PRKCB: variants seen among roughly 807,000 people sequenced by gnomAD.
PRKCB encodes the protein protein kinase C beta, also known as protein kinase C beta type.
PRKCB carries 13 observed loss-of-function variants against 81.5 expected under a neutral mutation model. The ratio of observed to expected loss-of-function variants is 0.16; its 90% CI spans 0.10 to 0.25. PRKCB has a LOEUF of 0.25. Among genes scored for constraint, PRKCB ranks in the 10% least tolerant of loss-of-function variants. The probability of loss-of-function intolerance (pLI) is 1.00; values close to 1 mark genes in which losing one functional copy is unlikely to be tolerated. For synonymous variants in PRKCB, 335 were observed against 321.4 expected (o/e 1.04, Z -0.45); for missense variants, 509 against 875.7 (o/e 0.58, Z 5.29).
At chr16:24,070,654 A>T (rs1339735882) in intron 5 of PRKCB, among the ~76,000 whole-genome samples, 1 of 152,146 alleles carries the variant, frequency 6.6e-6, no homozygotes, top group Non-Finnish European at 1.5e-5. Context: ...CTTATGAGGG[A>T]ACACTGTTGC....
intron 16 of PRKCB, among the ~76,000 whole-genome samples, chr16:24,202,712 A>G (rs938095199): frequency 1.3e-5 from 2 of 152,208 alleles, no homozygotes; most frequent in Admixed American, 6.5e-5. Flanking sequence ...CAATTTCTGT[A>G]TCTTGCATTA....
In PRKCB at chr16:24,190,274, C is replaced by T. The variant is rs1256033385; in HGVS notation, c.1723-816C>T. Among the ~76,000 whole-genome samples, 8 of 152,280 alleles carry T rather than the reference C, an allele frequency of 5.3e-5. No individual in the cohort carries two copies. In the South Asian group the frequency reaches 6.2e-4, roughly 12 times the overall value. ...GCCCCTTTGACTAATACTTTTTCTTCTGTTTTGTCATTTTTGCAAGTGCTT... is the reference window on the plus strand; with the variant it reads ...GCCCCTTTGACTAATACTTTTTCTTTTGTTTTGTCATTTTTGCAAGTGCTT... On this transcript the variant is annotated intron_variant, in intron 15 of 16. Transcript: ENST00000643927.
intron 3 of PRKCB, among the ~76,000 whole-genome samples, chr16:23,990,763 G>A (rs1320073409): frequency 2.0e-5 from 3 of 152,126 alleles, no homozygotes; most frequent in African/African-American, 7.2e-5. Context: ...GCCCAGGCTG[G>A]TCTCGAATTC....
At chr16:24,155,310 G>A (rs1017537573) in intron 10 of PRKCB, among the ~76,000 whole-genome samples, 3 of 152,212 alleles carry the variant, frequency 2.0e-5, no homozygotes, top group East Asian at 1.9e-4. Flanking sequence ...AGGACTCTCA[G>A]GGAAGGTACA....
chr16:24,075,281 A>C (rs1333107653), intron 5 of PRKCB, among the ~76,000 whole-genome samples: 4 of 152,246 alleles, frequency 2.6e-5, no homozygotes, highest in Non-Finnish European at 4.4e-5. Flanking sequence ...TCTATTGGAC[A>C]GTGTAACTGT....
rs760934314 is a variant in PRKCB at position 24,035,447 on chromosome 16, C to T, written c.429C>T (p.Cys143=). The T allele has an allele frequency of 1.9e-5, 30 of 1,613,972 alleles. No individual in the cohort carries two copies. The East Asian group carries it at 2.0e-4, about 11-fold the overall frequency. ...GCATGATGAATGTGCACAAGCGCTG[C>T]GTGATGAATGTTCCCAGCCTGTGTG... ...DTCMMNVHKR[C]VMNVPSLCGT... is the part of the protein sequence containing the mutation. The change falls in exon 5 of 17, where the codon TGC becomes TGT. Residue 143 remains cysteine (C), a synonymous_variant. Transcript: ENST00000643927.
chr16:24,177,181 T>C (rs1245186347), intron 12 of PRKCB, among the ~76,000 whole-genome samples: 1 of 152,198 alleles, frequency 6.6e-6, no homozygotes, highest in African/African-American at 2.4e-5. Context: ...ATAATTAGTG[T>C]TCCGGTCAAT....
At chr16:23,899,524 A>ACC (rs1286863730) in intron 2 of PRKCB, among the ~76,000 whole-genome samples, 1 of 152,172 alleles carries the variant, frequency 6.6e-6, no homozygotes, top group Non-Finnish European at 1.5e-5. Context: ...AAGCCCCAGT[A>ACC]CCAAACTTTG....
At chr16:23,950,299 T>A (rs76955105) in intron 2 of PRKCB, among the ~76,000 whole-genome samples, 4,135 of 152,226 alleles carry the variant, frequency 0.027, 77 homozygotes, top group African/African-American at 0.046. Context: ...TAGCTGTCTG[T>A]CCCACTGGGT....
At chr16:23,924,672 C>T (rs745852641) in intron 2 of PRKCB, among the ~76,000 whole-genome samples, 4 of 152,038 alleles carry the variant, frequency 2.6e-5, no homozygotes, top group Admixed American at 6.6e-5. Flanking sequence ...AATTCAAAGG[C>T]TCCACGTATA....
At chr16:24,149,490 A>G (rs1183384745) in intron 9 of PRKCB, among the ~76,000 whole-genome samples, 1 of 152,194 alleles carries the variant, frequency 6.6e-6, no homozygotes, top group Non-Finnish European at 1.5e-5. Flanking sequence ...GGATGGAAGG[A>G]TTCTGTCAGC....
At chr16:24,055,097 A>AG (rs1377421704) in intron 5 of PRKCB, among the ~76,000 whole-genome samples, 1 of 152,238 alleles carries the variant, frequency 6.6e-6, no homozygotes, top group Non-Finnish European at 1.5e-5. Context: ...GATGCAAATG[A>AG]GGGGCCCTCT....
At chr16:24,108,159 T>C (rs774654758) in intron 7 of PRKCB, among the ~76,000 whole-genome samples, 1 of 145,384 alleles carries the variant, frequency 6.9e-6, no homozygotes, top group Non-Finnish European at 1.5e-5. Flanking sequence ...TCCATTTGTT[T>C]ATTTTTTTTT....
chr16:23,901,972 A>G (rs1459423423), intron 2 of PRKCB, among the ~76,000 whole-genome samples: 1 of 152,180 alleles, frequency 6.6e-6, no homozygotes, highest in Non-Finnish European at 1.5e-5. Context: ...TACCTGGTAC[A>G]CAGTAGGCAC....
At chr16:23,941,286 A>G (rs973521683) in intron 2 of PRKCB, among the ~76,000 whole-genome samples, 3 of 152,240 alleles carry the variant, frequency 2.0e-5, no homozygotes, top group African/African-American at 7.2e-5. Flanking sequence ...ACCAATAACA[A>G]GAAGGAAGTA....
intron 10 of PRKCB, among the ~76,000 whole-genome samples, chr16:24,164,881 A>G (rs1268641449): frequency 1.3e-5 from 2 of 152,192 alleles, no homozygotes; most frequent in Non-Finnish European, 2.9e-5. Context: ...ATAATTTCGT[A>G]GGAGGAATGG....
intron 2 of PRKCB, among the ~76,000 whole-genome samples, chr16:23,882,031 T>TTTC (rs1963129341): frequency 7.8e-6 from 1 of 128,184 alleles, no homozygotes; most frequent in African/African-American, 2.8e-5. Flanking sequence ...TCTTCCTTCC[T>TTTC]TCCTTCCTTC....
chr16:23,917,848 A>G (rs1212444722), intron 2 of PRKCB, among the ~76,000 whole-genome samples: 3 of 152,248 alleles, frequency 2.0e-5, no homozygotes, highest in Non-Finnish European at 2.9e-5. Flanking sequence ...ACTCAAAGCA[A>G]GAGAAAATTT....
chr16:24,127,405 T>C (rs527684230), intron 9 of PRKCB, among the ~76,000 whole-genome samples: 4 of 152,358 alleles, frequency 2.6e-5, no homozygotes, highest in African/African-American at 9.6e-5. Context: ...AGTTCACGTC[T>C]TTCTCTGACC....
Sources: gnomAD v4.1 joint callset for allele counts (sites outside exome capture counted in the v4.1 genomes callset) on GRCh38, gnomAD v4.1.1 for gene constraint, MANE v1.5 for transcripts, NCBI Gene and HGNC (gene_info 2026-07-23, HGNC 2026-07-21) for gene names.